The following PRAG1 variants were observed in gnomAD, a reference collection of about 807,000 sequenced individuals.
PRAG1 encodes the protein inactive tyrosine-protein kinase PRAG1.
A neutral mutation model predicts 95.6 loss-of-function variants in PRAG1; 110 were observed. That is an observed-to-expected ratio of 1.15 (90% CI 0.99 to 1.35). The LOEUF is 1.35. PRAG1 is among the 40% of genes most tolerant of loss of function. The pLI is 0.00. For missense variants in PRAG1, 2,554 were observed against 1,864.7 expected, an observed-to-expected ratio of 1.37 and a Z score of -6.81; for synonymous variants, 1,052 against 819.4, an observed-to-expected ratio of 1.28 and a Z score of -4.85.
chr8:8,343,234 G>T (rs1479942922), intron 3 of PRAG1, among the ~76,000 whole-genome samples: 10 of 147,888 alleles, frequency 6.8e-5, no homozygotes, highest in Admixed American at 6.6e-4. Flanking sequence ...GTCAGATTTT[G>T]TTAAAGATAT....
intron 5 of PRAG1, among the ~76,000 whole-genome samples, chr8:8,325,395 A>G (rs926105296): frequency 2.0e-5 from 3 of 152,192 alleles, no homozygotes; most frequent in Non-Finnish European, 4.4e-5. Context: ...AGGAAAGTCA[A>G]CTAGGAAACC....
At chr8:8,362,513 C>A (rs1215044053) in intron 3 of PRAG1, among the ~76,000 whole-genome samples, 1 of 152,160 alleles carries the variant, frequency 6.6e-6, no homozygotes, top group Non-Finnish European at 1.5e-5. Flanking sequence ...GATTCCCAAC[C>A]CCTGAGGCCA....
Position 8,318,412 on chromosome 8 carries a change from G to C in PRAG1, c.3963C>G (p.Ala1321=), listed in dbSNP as rs1168069853. 2.5e-6 allele frequency: 4 copies of C among 1,613,244 alleles called. No homozygotes were observed. The highest frequency in any genetic ancestry group is 1.7e-5 in the Admixed American group (1 of 59,994). ...DPIKRIRIGE[A]KRVLQCLLWG... ...ACAGCAGGCACTGCAGCACGCGCTT[G>C]GCCTCGCCGATGCGGATACGCTTGA... Residue 1321 remains alanine (A), a synonymous_variant, in exon 6 of 6, where the codon GCC becomes GCG. Coordinates refer to ENST00000615670, the MANE Select transcript of PRAG1 (RefSeq NM_001080826.3). The surrounding 1 kb of genome is among the most constrained non-coding windows in gnomAD (Gnocchi z 4.2).
Position 8,318,678 on chromosome 8 carries a change from TCTG to T in PRAG1, c.3694_3696del (p.Gln1232del). The T allele has an allele frequency of 6.2e-7, 1 of 1,611,196 alleles. No individual in the cohort carries two copies. Among genetic ancestry groups the T allele is most frequent in the Non-Finnish European group, 8.5e-7 (1 of 1,179,650 alleles). On this transcript the variant is annotated inframe_deletion, in exon 6 of 6. Coordinates refer to ENST00000615670, the MANE Select transcript of PRAG1 (RefSeq NM_001080826.3). This position sits in a 1 kb window ranked among gnomAD's most constrained non-coding sequence, Gnocchi z 4.2. ...GGGGCCAGCCGGGCCTGGCTCTTCT[TCTG>T]CTGCAGGTTTGGGGTGCCGCCCGGC... is the stretch of plus-strand genomic sequence containing the variant.
At chr8:8,344,196 T>A (rs1799260760) in intron 3 of PRAG1, among the ~76,000 whole-genome samples, 2 of 152,188 alleles carry the variant, frequency 1.3e-5, no homozygotes, top group South Asian at 4.1e-4. Flanking sequence ...TTCACAACGT[T>A]ACAAATAGCA....
At chr8:8,367,998 C>T (rs1041237496) in intron 3 of PRAG1, among the ~76,000 whole-genome samples, 4 of 152,128 alleles carry the variant, frequency 2.6e-5, no homozygotes, top group African/African-American at 9.7e-5. Context: ...TCACAAAGAG[C>T]AGAAGCTATT....
intron 5 of PRAG1, among the ~76,000 whole-genome samples, chr8:8,325,359 G>C (rs1448347301): frequency 1.3e-5 from 2 of 152,164 alleles, no homozygotes; most frequent in Non-Finnish European, 2.9e-5. Context: ...GTGGCACAGA[G>C]ACGGTCCTTG....
At chr8:8,379,133 CTG>C (rs1800549314) in intron 2 of PRAG1, among the ~76,000 whole-genome samples, 1 of 151,686 alleles carries the variant, frequency 6.6e-6, no homozygotes, top group Non-Finnish European at 1.5e-5. Context: ...GTTTTCTGAG[CTG>C]GATCAGGGTG....
chr8:8,356,421 C>A (rs1257821021), intron 3 of PRAG1, among the ~76,000 whole-genome samples: 1 of 152,196 alleles, frequency 6.6e-6, no homozygotes, highest in Non-Finnish European at 1.5e-5. Context: ...TCATGGCTCA[C>A]CACAGCCTTG....
Position 8,373,436 on chromosome 8 carries a change from G to C in PRAG1, c.2162+2811C>G, listed in dbSNP as rs139658929. Among the ~76,000 whole-genome samples the C allele has an allele frequency of 1.8e-3, 251 of 142,880 alleles. 3 individuals carry two copies. The Middle Eastern group carries it at 0.03, about 17-fold the overall frequency. The allele number at this position is 142,880 out of a possible 152,430, so 93.7% of individuals were successfully genotyped here. A position where few individuals can be genotyped will look rare whatever the true frequency, so the allele number is the denominator to read the frequency against. The stretch of plus-strand genomic sequence containing the variant: ...CTCTTGTTTTTCTGTGTTCTCTTAA[G>C]CTAATTTTATTTTCTAGATTTTTTT... On this transcript the variant is annotated intron_variant, in intron 3 of 5. Transcript: ENST00000615670.
At chr8:8,355,996 A>G (rs1799668358) in intron 3 of PRAG1, among the ~76,000 whole-genome samples, 2 of 152,246 alleles carry the variant, frequency 1.3e-5, no homozygotes. Context: ...CAACTTAGGA[A>G]CTGGGAAAAA....
At chr8:8,329,280 C>T (rs766738551) in intron 4 of PRAG1, among the ~76,000 whole-genome samples, 19 of 151,948 alleles carry the variant, frequency 1.3e-4, no homozygotes, top group East Asian at 9.6e-4. Context: ...ATAATCCCAG[C>T]GACTAAGGAG....
At chr8:8,321,865 T>C (rs1248949182) in intron 5 of PRAG1, among the ~76,000 whole-genome samples, 2 of 152,246 alleles carry the variant, frequency 1.3e-5, no homozygotes, top group African/African-American at 4.8e-5. Context: ...TAGTGAATAG[T>C]GAACCGTTTT....
At chr8:8,378,873 AT>A (rs398112162) in intron 2 of PRAG1, among the ~76,000 whole-genome samples, 15 of 28,852 alleles carry the variant, frequency 5.2e-4, no homozygotes, top group East Asian at 8.0e-3. Context: ...AATAATGATA[AT>A]TAATAATAAT....
Position 8,377,459 on chromosome 8 carries a change from G to C in PRAG1, c.950C>G (p.Thr317Ser). ...FPKECCSQGP[T>S]AHPSCLGPKK... ...GGGGCCCAGGCAGGATGGGTGGGCAGTGGGGCCCTGGCTACAGCACTCCTT... is the reference window on the plus strand; with the variant it reads ...GGGGCCCAGGCAGGATGGGTGGGCACTGGGGCCCTGGCTACAGCACTCCTT... The change falls in exon 3 of 6, where the codon ACT (threonine) becomes AGT (serine). Residue 317 changes from threonine to serine, a missense_variant. By Grantham distance (58) the Thr-to-Ser change is moderately conservative. Coordinates refer to ENST00000615670, the MANE Select transcript of PRAG1 (RefSeq NM_001080826.3). The C allele has an allele frequency of 6.4e-7, 1 of 1,551,506 alleles. No homozygotes were observed.
intron 3 of PRAG1, among the ~76,000 whole-genome samples, chr8:8,346,629 C>T (rs1376614089): frequency 6.6e-6 from 1 of 152,216 alleles, no homozygotes; most frequent in Non-Finnish European, 1.5e-5. Context: ...AGGAACAAGC[C>T]TCATCTAAAA....
At chr8:8,353,800 C>T (rs1294726930) in intron 3 of PRAG1, among the ~76,000 whole-genome samples, 1 of 151,448 alleles carries the variant, frequency 6.6e-6, no homozygotes, top group Non-Finnish European at 1.5e-5. Context: ...GAGTGAGGCC[C>T]TGTTTCAAAA....
Position 8,328,439 on chromosome 8 carries a change from G to A in PRAG1, c.2343C>T (p.His781=). 1 of 1,613,660 alleles carries A rather than the reference G, an allele frequency of 6.2e-7. No homozygotes were observed. The highest frequency in any genetic ancestry group is 8.5e-7 in the Non-Finnish European group (1 of 1,180,024). ...SDGGPSSELA[H]SPTNSGKKLF... is the part of the protein sequence containing the mutation. ...GCTTCTTCCCGCTGTTGGTGGGCGA[G>A]TGAGCCAGCTCAGACGAGGGACCTG... Residue 781 remains histidine, a synonymous_variant, in exon 5 of 6, where the codon CAC becomes CAT. Coordinates refer to ENST00000615670, the MANE Select transcript of PRAG1 (RefSeq NM_001080826.3).
chr8:8,358,713 C>T (rs1029114252), intron 3 of PRAG1, among the ~76,000 whole-genome samples: 1 of 152,214 alleles, frequency 6.6e-6, no homozygotes, highest in Non-Finnish European at 1.5e-5. Flanking sequence ...AATCCTGCCA[C>T]GAGAGCACAC....
Sources: allele counts gnomAD v4.1 joint callset (sites outside exome capture counted in the v4.1 genomes callset), GRCh38; gene constraint gnomAD v4.1.1; non-coding constraint Gnocchi (gnomAD v3.1); transcripts MANE v1.5; gene names NCBI Gene and HGNC (gene_info 2026-07-23, HGNC 2026-07-21).